SLC9A5: variants seen among roughly 807,000 people sequenced by gnomAD.
SLC9A5 encodes the protein solute carrier family 9 member A5, also known as sodium/hydrogen exchanger 5.
A neutral mutation model predicts 91.7 loss-of-function variants in SLC9A5; 52 were observed. The observed-to-expected ratio is 0.57, with a 90% confidence interval of 0.45 to 0.71. SLC9A5 has a LOEUF of 0.71. Ranked by LOEUF, SLC9A5 falls within the 30% of genes least tolerant of loss-of-function variation. The pLI is 0.00. For synonymous variants in SLC9A5, 419 were observed against 474.5 expected (o/e 0.88, Z 1.52); for missense variants, 871 against 1,158.9 (o/e 0.75, Z 3.61).
intron 12 of SLC9A5, among the ~76,000 whole-genome samples, chr16:67,260,922 G>T (rs1021301430): frequency 6.6e-6 from 1 of 152,238 alleles, no homozygotes; most frequent in Admixed American, 6.5e-5. Flanking sequence ...AGTTTCAACA[G>T]TCAAAGCTCT....
rs60054219 is a variant in SLC9A5 at position 67,268,658 on chromosome 16, TTATATATATA to T, written c.2219-2036_2219-2027del. 6.5e-3 allele frequency among the ~76,000 whole-genome samples: 276 copies of T among 42,278 alleles called. 5 individuals carry two copies. Among genetic ancestry groups the T allele is most frequent in the East Asian group, 0.049 (33 of 670 alleles). The allele number at this position is 42,278 out of a possible 152,430, so 27.7% of individuals were successfully genotyped here. ...TCAAACATCGTTCAAATTTCCCTGA[TTATATATATA>T]TATATATATATATATATATATATAT... On this transcript the variant is annotated intron_variant, in intron 15 of 15. Coordinates refer to ENST00000299798, the MANE Select transcript of SLC9A5 (RefSeq NM_004594.3).
chr16:67,251,188 G>C (rs1223505138), intron 1 of SLC9A5, among the ~76,000 whole-genome samples: 1 of 152,112 alleles, frequency 6.6e-6, no homozygotes, highest in Non-Finnish European at 1.5e-5. Context: ...AAGAAGACCT[G>C]GAGATCTTCT....
intron 15 of SLC9A5, among the ~76,000 whole-genome samples, chr16:67,268,710 ATT>A (rs1289032640): frequency 0.012 from 1,083 of 89,514 alleles, 121 homozygotes; most frequent in African/African-American, 0.046. Flanking sequence ...ATATATATAT[ATT>A]TTTACAGTAG....
At position 67,249,167 on chromosome 16, in the gene SLC9A5, C is replaced by T. The variant is rs752536907; in HGVS notation, c.153C>T (p.Ala51=). The change falls in exon 1 of 16, where the codon GCC becomes GCT. Residue 51 remains alanine (A), a synonymous_variant. Coordinates refer to ENST00000299798, the MANE Select transcript of SLC9A5 (RefSeq NM_004594.3). ...WHEVEAPYLV[A]LWILVASLAK... ...AGGTGGAGGCGCCCTACCTGGTGGCCCTGTGGATCCTGGTGGCCAGTCTGG... is the reference window on the plus strand; with the variant it reads ...AGGTGGAGGCGCCCTACCTGGTGGCTCTGTGGATCCTGGTGGCCAGTCTGG... The T allele has an allele frequency of 3.2e-5, 50 of 1,558,478 alleles. No homozygotes were observed. The highest frequency in any genetic ancestry group is 2.0e-5 in the Non-Finnish European group (23 of 1,158,336).
chr16:67,264,072 T>TCAAAC (rs1316709635), intron 12 of SLC9A5, among the ~76,000 whole-genome samples: 3 of 152,132 alleles, frequency 2.0e-5, no homozygotes, highest in Non-Finnish European at 4.4e-5. Flanking sequence ...AGGGTCACCT[T>TCAAAC]CAAACCAGAG....
In SLC9A5 at chr16:67,255,087, C is replaced by T. The variant is rs773118289; in HGVS notation, c.557C>T (p.Pro186Leu). The part of the protein sequence containing the change: ...LFGSLISAVD[P>L]VAVLAVFEEV... The stretch of plus-strand genomic sequence containing the variant: ...GGGAGCCTCATCTCGGCGGTGGACC[C>T]CGTGGCCGTGCTAGCTGTCTTTGAG... The change falls in exon 3 of 16, where the codon CCC becomes CTC. Residue 186 changes from proline (P) to leucine (L), a missense_variant. Physicochemically the swap from Pro to Leu is moderately conservative, Grantham distance 98. Coordinates refer to ENST00000299798, the MANE Select transcript of SLC9A5 (RefSeq NM_004594.3). The surrounding 1 kb of genome is among the most constrained non-coding windows in gnomAD (Gnocchi z 4.9). The T allele has an allele frequency of 6.2e-7, 1 of 1,613,898 alleles. No homozygotes were observed. The highest frequency in any genetic ancestry group is 8.5e-7 in the Non-Finnish European group (1 of 1,179,996).
At chr16:67,249,797 G>T (rs1311167213) in intron 1 of SLC9A5, among the ~76,000 whole-genome samples, 1 of 152,164 alleles carries the variant, frequency 6.6e-6, no homozygotes, top group Non-Finnish European at 1.5e-5. Context: ...TCACTTCAGG[G>T]TATAAGAAAC....
chr16:67,266,269 G>A (rs1260292149), intron 15 of SLC9A5, 44 bp downstream of exon 15: 3 of 1,542,584 alleles, frequency 1.9e-6, no homozygotes, highest in African/African-American at 2.8e-5. Flanking sequence ...GAGCAAGCTG[G>A]TTTCCTCTCT....
intron 14 of SLC9A5, among the ~76,000 whole-genome samples, 190 bp from the exon 15 acceptor site, chr16:67,265,898 C>T (rs1480143983): frequency 3.3e-5 from 5 of 152,170 alleles, no homozygotes; most frequent in Non-Finnish European, 1.5e-5. Flanking sequence ...CCTTGGGCTC[C>T]GCAATGTCAG....
At chr16:67,268,373 C>T (rs1319421408) in intron 15 of SLC9A5, among the ~76,000 whole-genome samples, 22 of 144,778 alleles carry the variant, frequency 1.5e-4, no homozygotes, top group Non-Finnish European at 2.7e-4. Flanking sequence ...GACACCCAAG[C>T]AAGAGTGCAG....
intron 15 of SLC9A5, among the ~76,000 whole-genome samples, chr16:67,268,658 T>TTTTA (rs1309246335): frequency 2.4e-3 from 101 of 42,318 alleles, no homozygotes; most frequent in South Asian, 5.4e-3. Context: ...ATTTCCCTGA[T>TTTTA]TATATATATA....
rs2035389395 is a variant in SLC9A5, at chr16:67,258,230, C to T, written c.1497-88C>T. ...CCATATCTAAAAAGCCAGGCCAGTGCTGACGGTGTCCTTGCCCCGTCTGAG... is the reference window on the plus strand; with the variant it reads ...CCATATCTAAAAAGCCAGGCCAGTGTTGACGGTGTCCTTGCCCCGTCTGAG... On this transcript the variant is annotated intron_variant, in intron 9 of 15. Transcript: ENST00000299798. This position sits in a 1 kb window ranked among gnomAD's most constrained non-coding sequence, Gnocchi z 4.5. 4 of 1,420,738 alleles carry T rather than the reference C, an allele frequency of 2.8e-6. No individual in the cohort carries two copies. Among genetic ancestry groups the T allele is most frequent in the Admixed American group, 1.7e-5 (1 of 58,540 alleles). The allele number at this position is 1,420,738 out of a possible 1,614,324, so 88.0% of individuals were successfully genotyped here. A position where few individuals can be genotyped will look rare whatever the true frequency, so the allele number is the denominator to read the frequency against.
chr16:67,257,662 GGGGATGT>G lies in SLC9A5; in HGVS notation c.1496+63_1496+69del. 1.3e-6 allele frequency: 2 copies of G among 1,549,906 alleles called. No homozygotes were observed. The highest frequency in any genetic ancestry group is 2.2e-5 in the South Asian group (2 of 89,692). ...CAGCCCCACCAGCCAGGGAAGCATG[GGGGATGT>G]GCCACACTTCTGAGAAGGGACAGAG... On this transcript the variant is annotated intron_variant, in intron 9 of 15. Transcript: ENST00000299798. The surrounding 1 kb of genome is among the most constrained non-coding windows in gnomAD (Gnocchi z 5.1).
At position 67,249,210 on chromosome 16, in the gene SLC9A5, G is replaced by A. The variant is rs200971022; in HGVS notation, c.187+9G>A. ...CAGTCTGGCCAAAATCGGTGAGTGC[G>A]TGTGTGCGTGCGCCAGGCCGACCGC... On this transcript the variant is annotated intron_variant, in intron 1 of 15. Coordinates refer to ENST00000299798, the MANE Select transcript of SLC9A5 (RefSeq NM_004594.3). 1,355 of 1,452,230 alleles carry A rather than the reference G, an allele frequency of 9.3e-4. 13 individuals are homozygous for A. The African/African-American group carries it at 0.018, about 20-fold the overall frequency. 90.0% of individuals were successfully genotyped at this position (1,452,230 alleles called of 1,614,324 possible). A position where few individuals can be genotyped will look rare whatever the true frequency, so the allele number is the denominator to read the frequency against.
chr16:67,270,744 T>G lies in SLC9A5; in HGVS notation c.2225T>G (p.Leu742Arg). The change falls in exon 16 of 16, where the codon CTT becomes CGT. Residue 742 changes from leucine (L) to arginine (R), a missense_variant. By Grantham distance (102) the Leu-to-Arg change is moderately radical. Around this residue, in one of 3 missense-constraint regions of SLC9A5, gnomAD observed 295 missense variants for 326.0 expected, o/e 0.90. Coordinates refer to ENST00000299798, the MANE Select transcript of SLC9A5 (RefSeq NM_004594.3). The surrounding 1 kb of genome is among the most constrained non-coding windows in gnomAD (Gnocchi z 4.3). ...GTGTACTCTCTGTCCCCAGGAAGCC[T>G]TGAGGTGTGCCCAAGCCCACGAATC... The part of the protein sequence containing the change: ...VLQEGKVSGS[L>R]EVCPSPRIIP... 6.2e-7 allele frequency: 1 copy of G among 1,604,028 alleles called. No homozygotes were observed. Among genetic ancestry groups the G allele is most frequent in the Non-Finnish European group, 8.5e-7 (1 of 1,173,936 alleles).
Position 67,252,807 on chromosome 16 carries a change from C to T in SLC9A5, c.453C>T (p.Gly151=), listed in dbSNP as rs759838964. 1.7e-5 allele frequency: 28 copies of T among 1,613,392 alleles called. 1 individual carries two copies. The East Asian group carries it at 2.9e-4, about 17-fold the overall frequency. The part of the protein sequence containing the change: ...VGTLWNAFTT[G]AALWGLQQAG... The stretch of plus-strand genomic sequence containing the variant: ...CACTCTGGAATGCCTTCACAACAGG[C>T]GCTGCCCTCTGGGGCTTGCAGCAGG... The change falls in exon 2 of 16, where the codon GGC becomes GGT. Residue 151 remains glycine (G), a synonymous_variant. Coordinates refer to ENST00000299798, the MANE Select transcript of SLC9A5 (RefSeq NM_004594.3). This position sits in a 1 kb window ranked among gnomAD's most constrained non-coding sequence, Gnocchi z 4.0.
At chr16:67,265,193 G>C (rs2035660401) in intron 14 of SLC9A5, 87 bp downstream of exon 14, 3 of 1,287,008 alleles carry the variant, frequency 2.3e-6, no homozygotes, top group Admixed American at 3.5e-5. Context: ...AGGACCCGCT[G>C]TAGGGTGCAT....
Position 67,256,424 on chromosome 16 carries a change from C to A in SLC9A5, c.912-45C>A. ...TGCTCAAACCCTGGAGGCTGAGCCCCCTGGAACCCTTCCCCACTTGCCATG... is the reference window on the plus strand; with the variant it reads ...TGCTCAAACCCTGGAGGCTGAGCCCACTGGAACCCTTCCCCACTTGCCATG... On this transcript the variant is annotated intron_variant, in intron 5 of 15. Transcript: ENST00000299798. This position sits in a 1 kb window ranked among gnomAD's most constrained non-coding sequence, Gnocchi z 4.1. The A allele has an allele frequency of 7.1e-7, 1 of 1,410,840 alleles. No individual in the cohort carries two copies. Among genetic ancestry groups the A allele is most frequent in the Non-Finnish European group, 9.9e-7 (1 of 1,006,632 alleles). 87.4% of individuals were successfully genotyped at this position (1,410,840 alleles called of 1,614,324 possible).
At chr16:67,267,038 G>A (rs1160994300) in intron 15 of SLC9A5, among the ~76,000 whole-genome samples, 2 of 143,780 alleles carry the variant, frequency 1.4e-5, no homozygotes, top group Non-Finnish European at 3.0e-5. Flanking sequence ...TCAGCTTCCC[G>A]AGTAGTTGGG....
Sources: gnomAD v4.1 joint callset for allele counts (sites outside exome capture counted in the v4.1 genomes callset) on GRCh38, gnomAD v4.1.1 for gene constraint, gnomAD v4.1.1 regional missense constraint, Gnocchi (gnomAD v3.1) non-coding constraint, MANE v1.5 for transcripts, NCBI Gene and HGNC (gene_info 2026-07-23, HGNC 2026-07-21) for gene names.